ZC2HC1A: variants seen among roughly 807,000 people sequenced by gnomAD.
ZC2HC1A encodes the protein zinc finger C2HC-type containing 1A.
A neutral mutation model predicts 40.7 loss-of-function variants in ZC2HC1A; 28 were observed. The ratio of observed to expected loss-of-function variants is 0.69; its 90% confidence interval spans 0.51 to 0.94. ZC2HC1A has a LOEUF of 0.94. ZC2HC1A is among the 40% of genes least tolerant of loss of function. The pLI is 0.00. For synonymous variants in ZC2HC1A, 129 were observed against 129.2 expected, an observed-to-expected ratio of 1.00 and a Z score of 0.01; for missense variants, 389 against 386.3, an observed-to-expected ratio of 1.01 and a Z score of -0.06.
At chr8:78,698,686 A>G (rs1259958899) in intron 7 of ZC2HC1A, among the ~76,000 whole-genome samples, 173 bp downstream of exon 7, 7 of 152,188 alleles carry the variant, frequency 4.6e-5, no homozygotes, top group African/African-American at 1.7e-4. Context: ...AATTTGTATA[A>G]CCATTTTAGA....
At chr8:78,689,460 A>C (rs770206615) in intron 5 of ZC2HC1A, 87 bp downstream of exon 5, 2 of 1,291,274 alleles carry the variant, frequency 1.5e-6, no homozygotes, top group Non-Finnish European at 2.0e-6. Context: ...ATGACATTAG[A>C]CTATATTTTT....
At chr8:78,678,075 T>G (rs752419798) in intron 2 of ZC2HC1A, among the ~76,000 whole-genome samples, 29 of 152,144 alleles carry the variant, frequency 1.9e-4, no homozygotes, top group African/African-American at 6.5e-4. Flanking sequence ...CATTTTTGTT[T>G]TGGTGGGTTT....
intron 5 of ZC2HC1A, among the ~76,000 whole-genome samples, chr8:78,696,109 A>T (rs1810399617): frequency 6.6e-6 from 1 of 151,640 alleles, no homozygotes; most frequent in Admixed American, 6.6e-5. Context: ...ATCTCGGCTC[A>T]CTGCAAGCTC....
At chr8:78,712,889 A>C (rs978277816) in intron 7 of ZC2HC1A, among the ~76,000 whole-genome samples, 4 of 152,216 alleles carry the variant, frequency 2.6e-5, no homozygotes, top group Non-Finnish European at 5.9e-5. Context: ...CAGTCTGCTC[A>C]GTATGTATGT....
At chr8:78,700,798 A>G (rs1177295047) in intron 7 of ZC2HC1A, among the ~76,000 whole-genome samples, 11 of 152,146 alleles carry the variant, frequency 7.2e-5, no homozygotes, top group Non-Finnish European at 1.6e-4. Flanking sequence ...AGGTTTGTCA[A>G]ATATCAGATA....
intron 1 of ZC2HC1A, among the ~76,000 whole-genome samples, chr8:78,670,622 A>G (rs528606231): frequency 2.9e-4 from 44 of 152,298 alleles, no homozygotes; most frequent in African/African-American, 9.6e-4. Flanking sequence ...CAGACTGGGT[A>G]GGAAAGGACA....
intron 3 of ZC2HC1A, among the ~76,000 whole-genome samples, chr8:78,683,169 A>T (rs10111625): frequency 6.6e-6 from 1 of 151,504 alleles, no homozygotes; most frequent in Non-Finnish European, 1.5e-5. Flanking sequence ...TGGATCTACC[A>T]TTCTGGGGTC....
At chr8:78,717,146 T>TA (rs370508243) in intron 8 of ZC2HC1A, among the ~76,000 whole-genome samples, 182 bp from the exon 9 acceptor site, 14 of 151,326 alleles carry the variant, frequency 9.3e-5, no homozygotes, top group East Asian at 1.9e-4. Context: ...AATATAATGT[T>TA]AAAAAAAAAT....
intron 3 of ZC2HC1A, among the ~76,000 whole-genome samples, chr8:78,681,038 T>C (rs965896833): frequency 2.0e-5 from 3 of 151,184 alleles, no homozygotes; most frequent in African/African-American, 7.3e-5. Flanking sequence ...AAAATCCCTT[T>C]CCTGAAGATG....
At chr8:78,713,959 A>G (rs1811022054) in intron 7 of ZC2HC1A, among the ~76,000 whole-genome samples, 1 of 152,174 alleles carries the variant, frequency 6.6e-6, no homozygotes, top group African/African-American at 2.4e-5. Flanking sequence ...TGTTGTTATT[A>G]CCTGCATGTA....
At chr8:78,676,137 AAC>A (rs1809572407) in intron 2 of ZC2HC1A, 7 of 253,682 alleles carry the variant, frequency 2.8e-5, no homozygotes, top group Admixed American at 5.4e-5. Flanking sequence ...AAAAAAAAAA[AAC>A]AAAATCAGAT....
At chr8:78,690,374 C>A (rs570159325) in intron 5 of ZC2HC1A, among the ~76,000 whole-genome samples, 63 of 152,232 alleles carry the variant, frequency 4.1e-4, no homozygotes, top group Non-Finnish European at 6.5e-4. Context: ...TCCTGGCTAA[C>A]ACGGTGAAAC....
intron 3 of ZC2HC1A, among the ~76,000 whole-genome samples, chr8:78,683,469 A>C (rs956888858): frequency 3.9e-5 from 6 of 152,182 alleles, no homozygotes; most frequent in Non-Finnish European, 5.9e-5. Context: ...GCCATGGCTC[A>C]ACTTGTACCT....
chr8:78,686,460 TTTA>T lies in ZC2HC1A; in HGVS notation c.211-5_211-3del, dbSNP rs761263054. 1 of 1,399,314 alleles carries T rather than the reference TTTA, an allele frequency of 7.1e-7. No individual in the cohort carries two copies. Among genetic ancestry groups the T allele is most frequent in the South Asian group, 1.8e-5 (1 of 55,914 alleles). 86.7% of individuals were successfully genotyped at this position (1,399,314 alleles called of 1,614,324 possible). On this transcript the variant is annotated splice_region_variant and splice_polypyrimidine_tract_variant and intron_variant, in intron 3 of 8. Coordinates refer to ENST00000263849, the MANE Select transcript of ZC2HC1A (RefSeq NM_016010.3). ...ATTTATTTATTTATTTATTTATTTA[TTTA>T]TAGCCAGAACCACCAAAGAAACCAT...
chr8:78,676,968 A>T (rs1435742006), intron 2 of ZC2HC1A, among the ~76,000 whole-genome samples: 1 of 152,098 alleles, frequency 6.6e-6, no homozygotes, highest in African/African-American at 2.4e-5. Context: ...TGGGTCCACT[A>T]GATAGTCATC....
At position 78,666,122 on chromosome 8, in the gene ZC2HC1A, T is replaced by C; in HGVS notation, c.-27T>C. On this transcript the variant is annotated 5_prime_UTR_variant, in exon 1 of 9. Transcript: ENST00000263849. ...GCGGTGGCGGGCGCTGCTGAAGGAG[T>C]CTCGCTGAGCTCGAGGAGGTGGCGC... 5.8e-6 allele frequency: 9 copies of C among 1,562,736 alleles called. No homozygotes were observed. Among genetic ancestry groups the C allele is most frequent in the Non-Finnish European group, 6.9e-6 (8 of 1,153,726 alleles).
At chr8:78,714,851 CTTGT>C (rs1262439301) in intron 7 of ZC2HC1A, among the ~76,000 whole-genome samples, 6 of 151,878 alleles carry the variant, frequency 4.0e-5, no homozygotes, top group African/African-American at 7.3e-5. Flanking sequence ...AATAATGAAA[CTTGT>C]TTGTTTATTT....
chr8:78,685,257 G>A (rs919880297), intron 3 of ZC2HC1A, among the ~76,000 whole-genome samples: 5 of 151,802 alleles, frequency 3.3e-5, no homozygotes, highest in African/African-American at 1.2e-4. Flanking sequence ...GCATAGCCAT[G>A]TTAAAAAAAT....
chr8:78,701,650 T>C (rs1004746910), intron 7 of ZC2HC1A, among the ~76,000 whole-genome samples: 1 of 152,234 alleles, frequency 6.6e-6, no homozygotes, highest in African/African-American at 2.4e-5. Flanking sequence ...GTGGCTAATA[T>C]TTTGAGGTAT....
Sources: gnomAD v4.1 joint callset for allele counts (sites outside exome capture counted in the v4.1 genomes callset) on GRCh38, gnomAD v4.1.1 for gene constraint, MANE v1.5 for transcripts, NCBI Gene and HGNC (gene_info 2026-07-23, HGNC 2026-07-21) for gene names.